SLC37A1: variants seen among roughly 807,000 people sequenced by gnomAD.
SLC37A1 encodes solute carrier family 37 member 1, also known as glucose-6-phosphate exchanger SLC37A1.
Under a neutral mutation model 75.3 loss-of-function variants are expected in SLC37A1, and 49 were observed. That is an observed-to-expected ratio of 0.65 (90% CI 0.52 to 0.83). The LOEUF (loss-of-function observed/expected upper bound fraction) is 0.83, where lower values mean the gene tolerates loss of function less well. Among genes scored for constraint, SLC37A1 ranks in the 40% least tolerant of loss-of-function variants. The pLI is 0.00. For missense variants in SLC37A1, 566 were observed against 695.0 expected (o/e 0.81, Z 2.09); for synonymous variants, 268 against 292.1 (o/e 0.92, Z 0.84).
rs1161313598 is a variant in SLC37A1, at chr21:42,530,654, A to ACACACACACACACACACACACACC, written c.139-4043_139-4042insACACACACACACACACACACACCC. Among the ~76,000 whole-genome samples the ACACACACACACACACACACACACC allele has an allele frequency of 8.4e-4, 30 of 35,874 alleles. 4 individuals are homozygous for ACACACACACACACACACACACACC. The highest frequency in any genetic ancestry group is 1.8e-3 in the Admixed American group (5 of 2,768). The allele number at this position is 35,874 out of a possible 152,430, so 23.5% of individuals were successfully genotyped here. ...CACACACACACACACACACACACAC[A>ACACACACACACACACACACACACC]CCCCCTCTGTGTTGGCTGAAGGTGG... On this transcript the variant is annotated intron_variant, in intron 3 of 19. Coordinates refer to ENST00000352133, the MANE Select transcript of SLC37A1 (RefSeq NM_001320537.2).
At chr21:42,531,818 C>T (rs1477391012) in intron 3 of SLC37A1, among the ~76,000 whole-genome samples, 1 of 152,158 alleles carries the variant, frequency 6.6e-6, no homozygotes, top group Non-Finnish European at 1.5e-5. Flanking sequence ...TGTAAATATC[C>T]TCAGAACTCT....
Position 42,532,671 on chromosome 21 carries a change from A to G in SLC37A1, c.139-2027A>G, listed in dbSNP as rs115819067. ...GCTGCAGGCACCCGCCCTGGGTCTC[A>G]CGATCACACTCCCAGCCCCTCACGT... On this transcript the variant is annotated intron_variant, in intron 3 of 19. Coordinates refer to ENST00000352133, the MANE Select transcript of SLC37A1 (RefSeq NM_001320537.2). Among the ~76,000 whole-genome samples the G allele has an allele frequency of 5.8e-3, 888 of 152,248 alleles. 6 individuals are homozygous for G. Among genetic ancestry groups the G allele is most frequent in the African/African-American group, 0.02 (851 of 41,552 alleles).
chr21:42,566,049 T>C (rs1447675600), intron 15 of SLC37A1, among the ~76,000 whole-genome samples, 174 bp downstream of exon 15: 1 of 152,120 alleles, frequency 6.6e-6, no homozygotes, highest in African/African-American at 2.4e-5. Context: ...GAGGCCGGGG[T>C]CTCCTCTCCC....
chr21:42,529,034 A>C (rs1475472395), intron 3 of SLC37A1, among the ~76,000 whole-genome samples: 1 of 152,338 alleles, frequency 6.6e-6, no homozygotes, highest in East Asian at 1.9e-4. Context: ...GTATGAAAGA[A>C]TGTCCAGGAA....
At chr21:42,511,372 A>C (rs911981812), upstream of SLC37A1, among the ~76,000 whole-genome samples, 1 of 152,186 alleles carries the variant, frequency 6.6e-6, no homozygotes, top group Admixed American at 6.5e-5. Context: ...AATGTGGTGT[A>C]TAGCTGTATC....
chr21:42,572,032 G>A (rs2147048792), intron 17 of SLC37A1, among the ~76,000 whole-genome samples: 1 of 152,308 alleles, frequency 6.6e-6, no homozygotes, highest in African/African-American at 2.4e-5. Flanking sequence ...GTGGAAACTG[G>A]CTCCTAGCAG....
intron 3 of SLC37A1, among the ~76,000 whole-genome samples, chr21:42,532,336 G>A (rs1369332827): frequency 6.6e-6 from 1 of 152,238 alleles, no homozygotes; most frequent in African/African-American, 2.4e-5. Context: ...GCGGCGGCCT[G>A]CAGAATCTCT....
chr21:42,501,139 C>G (rs1255906486), intron 1 of SLC37A1, among the ~76,000 whole-genome samples: 1 of 152,208 alleles, frequency 6.6e-6, no homozygotes, highest in African/African-American at 2.4e-5. Flanking sequence ...AGTGCTCAAC[C>G]AACACAGGTT....
At chr21:42,542,308 G>A (rs2055303029) in intron 6 of SLC37A1, 96 bp from the exon 7 acceptor site, 1 of 1,016,556 alleles carries the variant, frequency 9.8e-7, no homozygotes, top group South Asian at 1.5e-5. Context: ...CGTGCCCCCT[G>A]CTTTGTGTAA....
At chr21:42,524,079 A>G (rs910092895) in intron 2 of SLC37A1, among the ~76,000 whole-genome samples, 15 of 151,990 alleles carry the variant, frequency 9.9e-5, no homozygotes, top group Admixed American at 4.6e-4. Flanking sequence ...TATCCCAGGG[A>G]CTCTCGGAAA....
chr21:42,558,659 T>C (rs117077972), intron 10 of SLC37A1, among the ~76,000 whole-genome samples: 9,871 of 152,270 alleles, frequency 0.065, 456 homozygotes, highest in Middle Eastern at 0.11. Flanking sequence ...TTTTTCTCAA[T>C]GATGATGTGA....
intron 5 of SLC37A1, among the ~76,000 whole-genome samples, chr21:42,537,851 C>T (rs915644829): frequency 1.3e-5 from 2 of 152,140 alleles, no homozygotes; most frequent in Non-Finnish European, 2.9e-5. Context: ...ATTGAAGGGG[C>T]CTTTTTGTGT....
intron 17 of SLC37A1, among the ~76,000 whole-genome samples, chr21:42,569,714 T>C (rs976873445): frequency 6.6e-6 from 1 of 152,244 alleles, no homozygotes; most frequent in Non-Finnish European, 1.5e-5. Context: ...TGGGATTCGG[T>C]GCACTCCTCT....
rs182732180 is a variant in SLC37A1 at position 42,524,030 on chromosome 21, A to G, written c.57-1746A>G. On this transcript the variant is annotated intron_variant, in intron 2 of 19. Coordinates refer to ENST00000352133, the MANE Select transcript of SLC37A1 (RefSeq NM_001320537.2). ...AGCTTCCCTCGGAGTAAATCACAAC[A>G]TTAAAAATGTAGATGCGCAGCTGGG... Among the ~76,000 whole-genome samples, 5 of 152,298 alleles carry G rather than the reference A, an allele frequency of 3.3e-5. No individual in the cohort carries two copies. The East Asian group carries it at 7.7e-4, about 24-fold the overall frequency.
intron 4 of SLC37A1, 40 bp downstream of exon 4, chr21:42,534,870 G>C: frequency 6.3e-7 from 1 of 1,599,708 alleles, no homozygotes; most frequent in Non-Finnish European, 8.5e-7. Context: ...CGAAGCGGCT[G>C]TCCTTCCAGC....
rs543385346 is a variant in SLC37A1 at position 42,548,006 on chromosome 21, G to A, written c.768+866G>A. 3.9e-5 allele frequency among the ~76,000 whole-genome samples: 6 copies of A among 152,206 alleles called. No individual in the cohort carries two copies. The highest frequency in any genetic ancestry group is 2.1e-4 in the South Asian group (1 of 4,824). On this transcript the variant is annotated intron_variant, in intron 9 of 19. Coordinates refer to ENST00000352133, the MANE Select transcript of SLC37A1 (RefSeq NM_001320537.2). This position sits in a 1 kb window ranked among gnomAD's most constrained non-coding sequence, Gnocchi z 5.6. ...TCACCCTGCTGGGCCCGTCGCCCGC[G>A]TCTGACCCAATGCTTCCCTCCCTCT...
intron 17 of SLC37A1, among the ~76,000 whole-genome samples, chr21:42,573,883 G>A (rs1383037470): frequency 6.6e-6 from 1 of 152,204 alleles, no homozygotes; most frequent in Non-Finnish European, 1.5e-5. Flanking sequence ...AGCAGTCCTT[G>A]GGCATTTAGG....
rs1447622389 is a variant in SLC37A1, at chr21:42,558,938, C to T, written c.850-20C>T. On this transcript the variant is annotated intron_variant, in intron 10 of 19. Coordinates refer to ENST00000352133, the MANE Select transcript of SLC37A1 (RefSeq NM_001320537.2). The stretch of plus-strand genomic sequence containing the variant: ...GCTGGTAACACCTTTCCTTTTTGTT[C>T]CCAATGGATTTGCCTCCAGGACCCA... 1.9e-6 allele frequency: 3 copies of T among 1,612,884 alleles called. No homozygotes were observed. The highest frequency in any genetic ancestry group is 1.1e-5 in the South Asian group (1 of 90,886).
intron 12 of SLC37A1, 58 bp downstream of exon 12, chr21:42,562,226 C>G: frequency 6.9e-7 from 1 of 1,451,012 alleles, no homozygotes; most frequent in Non-Finnish European, 9.7e-7. Context: ...TCCGAAGTCT[C>G]TTCTGTCTGC....
Sources: allele counts gnomAD v4.1 joint callset (sites outside exome capture counted in the v4.1 genomes callset), GRCh38; gene constraint gnomAD v4.1.1; non-coding constraint Gnocchi (gnomAD v3.1); transcripts MANE v1.5; gene names NCBI Gene and HGNC (gene_info 2026-07-23, HGNC 2026-07-21).